USP42: variants seen among roughly 807,000 people sequenced by gnomAD.
USP42 encodes the protein ubiquitin specific peptidase 42.
USP42 carries 23 observed loss-of-function variants against 113.0 expected under a neutral mutation model. That is an observed-to-expected ratio of 0.20 (90% CI 0.15 to 0.29). The LOEUF is 0.29. Among genes scored for constraint, USP42 ranks in the 10% least tolerant of loss-of-function variants. The pLI is 1.00. For missense variants in USP42, 2,174 were observed against 1,779.8 expected, an observed-to-expected ratio of 1.22 and a Z score of -3.99; for synonymous variants, 933 against 699.0, an observed-to-expected ratio of 1.33 and a Z score of -5.28.
At chr7:6,127,677 G>A (rs1780613104) in intron 3 of USP42, among the ~76,000 whole-genome samples, 1 of 152,194 alleles carries the variant, frequency 6.6e-6, no homozygotes, top group South Asian at 2.1e-4. Flanking sequence ...CTGTAGTTAT[G>A]TAGTAAGTCT....
intron 17 of USP42, among the ~76,000 whole-genome samples, chr7:6,160,244 A>G (rs886538009): frequency 3.3e-5 from 5 of 152,214 alleles, no homozygotes; most frequent in African/African-American, 4.8e-5. Flanking sequence ...AGGCTTTATC[A>G]ATGTGTCCTC....
Position 6,145,776 on chromosome 7 carries a change from A to T in USP42, c.1131+120A>T, listed in dbSNP as rs1781683025. ...TTAAAATGTGAATACCCGAGGTAAA[A>T]ATATTTCTCTTGGCCGGGCGCAGTG... On this transcript the variant is annotated intron_variant, in intron 10 of 17. Transcript: ENST00000306177. The T allele has an allele frequency of 6.7e-6, 8 of 1,189,404 alleles. No homozygotes were observed. The South Asian group carries it at 1.0e-4, about 15-fold the overall frequency. 73.7% of individuals were successfully genotyped at this position (1,189,404 alleles called of 1,614,324 possible). A position where few individuals can be genotyped will look rare whatever the true frequency, so the allele number is the denominator to read the frequency against.
chr7:6,151,047 C>A (rs1782020717), intron 14 of USP42, among the ~76,000 whole-genome samples: 1 of 152,200 alleles, frequency 6.6e-6, no homozygotes, highest in Non-Finnish European at 1.5e-5. Flanking sequence ...GCACTGGATC[C>A]CGTAGGCAGC....
chr7:6,156,111 G>C (rs750588042), intron 15 of USP42, among the ~76,000 whole-genome samples: 11 of 152,152 alleles, frequency 7.2e-5, no homozygotes, highest in Non-Finnish European at 1.5e-4. Flanking sequence ...TGATGAGATG[G>C]ATGAGCAGGA....
At chr7:6,095,629 A>G in the USP42 span, among the ~76,000 whole-genome samples, 1 of 151,098 alleles carries the variant, frequency 6.6e-6, no homozygotes, top group Non-Finnish European at 1.5e-5. Context: ...AGATTGCGCC[A>G]CTGCACTCCA....
chr7:6,124,531 T>C (rs1431889949), intron 3 of USP42, among the ~76,000 whole-genome samples: 2 of 152,196 alleles, frequency 1.3e-5, no homozygotes, highest in Non-Finnish European at 2.9e-5. Context: ...CCCAAAGTGC[T>C]GGGATTACAG....
chr7:6,154,740 C>T lies in USP42; in HGVS notation c.3186C>T (p.Tyr1062=). ...CGCGCTGGGACAGGTGCCGGTACTA[C>T]CATGACAGGTACGCCCTGTACGCTG... ...DRPRWDRCRY[Y]HDRYALYAAR... The change falls in exon 15 of 18, where the codon TAC becomes TAT. Residue 1062 remains tyrosine (Y), a synonymous_variant. Transcript: ENST00000306177. 6.3e-7 allele frequency: 1 copy of T among 1,578,120 alleles called. No individual in the cohort carries two copies. The highest frequency in any genetic ancestry group is 8.6e-7 in the Non-Finnish European group (1 of 1,163,806).
intron 4 of USP42, among the ~76,000 whole-genome samples, chr7:6,138,477 A>G (rs556237446): frequency 1.3e-5 from 2 of 152,358 alleles, no homozygotes; most frequent in Admixed American, 1.3e-4. Flanking sequence ...CAAAACAGCC[A>G]GTTTATTCAA....
Position 6,154,851 on chromosome 7 carries a change from C to G in USP42, c.3297C>G (p.Gly1099=). The G allele has an allele frequency of 6.5e-7, 1 of 1,533,644 alleles. No individual in the cohort carries two copies. The highest frequency in any genetic ancestry group is 8.8e-7 in the Non-Finnish European group (1 of 1,138,316). Residue 1099 remains glycine (G), a synonymous_variant, in exon 15 of 18, where the codon GGC becomes GGG. Transcript: ENST00000306177. The part of the protein sequence containing the change: ...HERPHKDHNR[G]RRGCEPARER... Reference sequence around the variant, plus strand: ...GGCCGCACAAGGACCACAACCGGGGCCGTAGGGGCTGCGAGCCGGCCCGGG... The same window carrying G: ...GGCCGCACAAGGACCACAACCGGGGGCGTAGGGGCTGCGAGCCGGCCCGGG...
Position 6,153,811 on chromosome 7 carries a change from G to A in USP42, c.2257G>A (p.Gly753Ser), listed in dbSNP as rs760268924. 6.6e-7 allele frequency: 1 copy of A among 1,526,212 alleles called. No homozygotes were observed. The highest frequency in any genetic ancestry group is 8.8e-7 in the Non-Finnish European group (1 of 1,135,280). 94.5% of individuals were successfully genotyped at this position (1,526,212 alleles called of 1,614,324 possible). Residue 753 changes from glycine to serine, a missense_variant, in exon 15 of 18, where the codon GGC (glycine) becomes AGC (serine). By Grantham distance (56) the Gly-to-Ser change is moderately conservative (BLOSUM62 0). Transcript: ENST00000306177. ...GGACCGCGACGCCGAGCCTCAGCCT[G>A]GCAGCCCCGCCGCCGAATCCCTGGA... ...PEDRDAEPQP[G>S]SPAAESLEEP... is the part of the protein sequence containing the mutation.
At chr7:6,104,503 G>T (rs1452069070), upstream of USP42, among the ~76,000 whole-genome samples, 1 of 152,260 alleles carries the variant, frequency 6.6e-6, no homozygotes, top group Non-Finnish European at 1.5e-5. Context: ...GTCCGTTTTC[G>T]GGGGACGGGG....
rs1319946548 is a variant in USP42 at position 6,139,044 on chromosome 7, G to A, written c.554-48G>A. On this transcript the variant is annotated intron_variant, in intron 4 of 17. Transcript: ENST00000306177. The surrounding 1 kb of genome is among the most constrained non-coding windows in gnomAD (Gnocchi z 4.5). Reference sequence around the variant, plus strand: ...ATATATTTTGGGGGGTACAACTTAGGCTTATTACGTGTAATGATAAAGCCT... The same window carrying A: ...ATATATTTTGGGGGGTACAACTTAGACTTATTACGTGTAATGATAAAGCCT... 1 of 1,302,278 alleles carries A rather than the reference G, an allele frequency of 7.7e-7. No individual in the cohort carries two copies. Among genetic ancestry groups the A allele is most frequent in the Non-Finnish European group, 1.1e-6 (1 of 929,372 alleles). 80.7% of individuals were successfully genotyped at this position (1,302,278 alleles called of 1,614,324 possible).
At chr7:6,083,130 G>C in the USP42 span, among the ~76,000 whole-genome samples, 2 of 148,962 alleles carry the variant, frequency 1.3e-5, no homozygotes, top group African/African-American at 2.5e-5. Flanking sequence ...TCACCATGTT[G>C]GTCAGGCTGG....
the USP42 span, among the ~76,000 whole-genome samples, chr7:6,097,833 GC>G: frequency 6.8e-6 from 1 of 146,476 alleles, no homozygotes; most frequent in African/African-American, 2.6e-5. Context: ...CTCGTGATCC[GC>G]CCGCCTCGGC....
At chr7:6,114,562 C>T (rs1779773514) in intron 2 of USP42, among the ~76,000 whole-genome samples, 1 of 144,278 alleles carries the variant, frequency 6.9e-6, no homozygotes, top group South Asian at 2.2e-4. Context: ...ATGAAACAGT[C>T]ATTCAGTGTT....
At position 6,152,032 on chromosome 7, in the gene USP42, T is replaced by TC. The variant is rs1554347750; in HGVS notation, c.2201+1526_2201+1527insC. ...AGATAATAAAACCTGCCCCACAATT[T>TC]AAAAAAAAAATCATGTCATGTTAGT... On this transcript the variant is annotated intron_variant, in intron 14 of 17. Coordinates refer to ENST00000306177, the MANE Select transcript of USP42 (RefSeq NM_032172.3). Among the ~76,000 whole-genome samples, 4 of 150,604 alleles carry TC rather than the reference T, an allele frequency of 2.7e-5. No individual in the cohort carries two copies. In the East Asian group the frequency reaches 7.8e-4, roughly 29 times the overall value.
At position 6,139,707 on chromosome 7, in the gene USP42, A is replaced by C; in HGVS notation, c.657-421A>C. 4.1e-6 allele frequency: 1 copy of C among 243,726 alleles called. No homozygotes were observed. The highest frequency in any genetic ancestry group is 8.0e-6 in the Non-Finnish European group (1 of 124,776). The allele number at this position is 243,726 out of a possible 1,614,324, so 15.1% of individuals were successfully genotyped here. A position where few individuals can be genotyped will look rare whatever the true frequency, so the allele number is the denominator to read the frequency against. On this transcript the variant is annotated intron_variant, in intron 5 of 17. Transcript: ENST00000306177. This position sits in a 1 kb window ranked among gnomAD's most constrained non-coding sequence, Gnocchi z 4.5. ...AGACACCTGGTAGATCTCCCTCTGC[A>C]TTCTCCCTGCCCTGGCACCGCCCTG...
At position 6,152,677 on chromosome 7, in the gene USP42, G is replaced by C. The variant is rs538263245; in HGVS notation, c.2202-1079G>C. ...CCTCACCTAGGCCAGGTAGCGTGAG[G>C]GTGAGGTAGGTGGCTGTGCAGACAA... On this transcript the variant is annotated intron_variant, in intron 14 of 17. Coordinates refer to ENST00000306177, the MANE Select transcript of USP42 (RefSeq NM_032172.3). Among the ~76,000 whole-genome samples, 7 of 152,324 alleles carry C rather than the reference G, an allele frequency of 4.6e-5. No homozygotes were observed. The East Asian group carries it at 1.4e-3, about 29-fold the overall frequency.
At chr7:6,150,735 A>G (rs141727339) in intron 14 of USP42, among the ~76,000 whole-genome samples, 27 of 152,246 alleles carry the variant, frequency 1.8e-4, no homozygotes, top group African/African-American at 6.3e-4. Context: ...TCACCATGCT[A>G]TTTCTCCTCC....
Sources: allele counts gnomAD v4.1 joint callset (sites outside exome capture counted in the v4.1 genomes callset), GRCh38; gene constraint gnomAD v4.1.1; non-coding constraint Gnocchi (gnomAD v3.1); transcripts MANE v1.5; gene names NCBI Gene and HGNC (gene_info 2026-07-23, HGNC 2026-07-21).